PDE10A: variants seen among roughly 807,000 people sequenced by gnomAD.
PDE10A encodes cAMP and cAMP-inhibited cGMP 3',5'-cyclic phosphodiesterase 10A.
Under a neutral mutation model 97.7 loss-of-function variants are expected in PDE10A, and 39 were observed. The observed-to-expected ratio is 0.40, with a 90% CI of 0.31 to 0.52. The LOEUF is 0.52. PDE10A is among the 20% of genes least tolerant of loss of function. The pLI, the probability that PDE10A is intolerant of heterozygous loss-of-function variation, is 0.56. For missense variants in PDE10A, 731 were observed against 1,047.8 expected (o/e 0.70, Z 4.17); for synonymous variants, 371 against 376.8 (o/e 0.98, Z 0.18).
At chr6:165,720,921 C>A (rs751007021) in intron 1 of PDE10A, among the ~76,000 whole-genome samples, 1 of 152,156 alleles carries the variant, frequency 6.6e-6, no homozygotes, top group Admixed American at 6.5e-5. Flanking sequence ...GTCCATTGAT[C>A]GTGCCCAAGA....
intron 2 of PDE10A, among the ~76,000 whole-genome samples, chr6:165,521,632 C>A (rs577800025): frequency 1.3e-5 from 2 of 152,262 alleles, no homozygotes; most frequent in South Asian, 4.1e-4. Flanking sequence ...TGGTCCCTCA[C>A]GTCAAAGCCT....
At chr6:165,424,990 G>C (rs1789011412) in intron 10 of PDE10A, among the ~76,000 whole-genome samples, 1 of 151,424 alleles carries the variant, frequency 6.6e-6, no homozygotes, top group Admixed American at 6.6e-5. Flanking sequence ...CACACATCAA[G>C]GAAAATAAAT....
chr6:165,901,688 G>A (rs910264911), intron 1 of PDE10A, among the ~76,000 whole-genome samples: 3 of 152,130 alleles, frequency 2.0e-5, no homozygotes, highest in Non-Finnish European at 4.4e-5. Flanking sequence ...TGTAATCCCA[G>A]CTACTCGGGA....
intron 1 of PDE10A, among the ~76,000 whole-genome samples, chr6:165,872,032 T>C (rs1490422722): frequency 6.6e-6 from 1 of 152,146 alleles, no homozygotes; most frequent in Non-Finnish European, 1.5e-5. Context: ...CGTTGCCTTG[T>C]TCTCATCAGG....
At chr6:165,729,284 CA>C (rs572085965) in intron 1 of PDE10A, among the ~76,000 whole-genome samples, 52 of 152,118 alleles carry the variant, frequency 3.4e-4, no homozygotes, top group African/African-American at 1.2e-3. Flanking sequence ...GAAAAATCCC[CA>C]AAATATGGTA....
chr6:165,588,545 C>T (rs1293042886), intron 1 of PDE10A, among the ~76,000 whole-genome samples: 1 of 152,018 alleles, frequency 6.6e-6, no homozygotes, highest in East Asian at 1.9e-4. Flanking sequence ...CCTGCCTTGG[C>T]CTAACAAAGT....
chr6:165,560,260 G>A (rs536865965), intron 1 of PDE10A, among the ~76,000 whole-genome samples: 27 of 152,276 alleles, frequency 1.8e-4, no homozygotes, highest in Non-Finnish European at 3.5e-4. Flanking sequence ...AAGATGGAGA[G>A]CCATATGCTA....
At chr6:165,479,773 AT>A (rs928064848) in intron 3 of PDE10A, among the ~76,000 whole-genome samples, 5 of 152,304 alleles carry the variant, frequency 3.3e-5, no homozygotes, top group African/African-American at 9.6e-5. Context: ...TGCTAAAAAA[AT>A]ATTGGTCATT....
intron 1 of PDE10A, among the ~76,000 whole-genome samples, chr6:165,705,386 C>T (rs777020993): frequency 6.6e-6 from 1 of 152,194 alleles, no homozygotes; most frequent in Admixed American, 6.5e-5. Flanking sequence ...TGAGACAGTA[C>T]CCAAAGGACG....
At chr6:165,752,012 G>A (rs926804128) in intron 1 of PDE10A, among the ~76,000 whole-genome samples, 15 of 151,514 alleles carry the variant, frequency 9.9e-5, no homozygotes, top group Admixed American at 7.2e-4. Flanking sequence ...GCATGGTGAC[G>A]GGCACCTATA....
chr6:165,460,652 A>T (rs1467328200), intron 3 of PDE10A, among the ~76,000 whole-genome samples: 1 of 152,210 alleles, frequency 6.6e-6, no homozygotes, highest in Non-Finnish European at 1.5e-5. Flanking sequence ...AGCCCCTGAA[A>T]TATATAAAAG....
At chr6:165,454,483 G>A (rs777545788) in intron 3 of PDE10A, among the ~76,000 whole-genome samples, 1 of 152,164 alleles carries the variant, frequency 6.6e-6, no homozygotes, top group Non-Finnish European at 1.5e-5. Context: ...AGGTCATGAT[G>A]GCCCCGTCTT....
intron 1 of PDE10A, among the ~76,000 whole-genome samples, chr6:165,688,502 C>T (rs1791185246): frequency 6.6e-6 from 1 of 152,168 alleles, no homozygotes; most frequent in Non-Finnish European, 1.5e-5. Context: ...TAGGAAATTC[C>T]AGCTAGGAGC....
chr6:165,620,000 G>T (rs1788048282), intron 1 of PDE10A, among the ~76,000 whole-genome samples: 1 of 152,086 alleles, frequency 6.6e-6, no homozygotes, highest in South Asian at 2.1e-4. Context: ...AAACTTAAAA[G>T]TCTCAACCTA....
rs71029572 is a variant in PDE10A at position 165,927,647 on chromosome 6, C to CATATATATATATATATAT, written c.-615+59864_-615+59881dup. The stretch of plus-strand genomic sequence containing the variant: ...ATGAATATTATTAACATGAGAATGA[C>CATATATATATATATATAT]ATATATATATATATATATATATATA... On this transcript the variant is annotated intron_variant, in intron 1 of 19. Transcript: ENST00000366882. Among the ~76,000 whole-genome samples, 488 of 72,986 alleles carry CATATATATATATATATAT rather than the reference C, an allele frequency of 6.7e-3. 12 individuals carry two copies. The highest frequency in any genetic ancestry group is 8.3e-3 in the African/African-American group (142 of 17,048). The allele number at this position is 72,986 out of a possible 152,430, so 47.9% of individuals were successfully genotyped here.
At chr6:165,955,539 C>T (rs1363438861) in intron 1 of PDE10A, among the ~76,000 whole-genome samples, 1 of 152,166 alleles carries the variant, frequency 6.6e-6, no homozygotes, top group East Asian at 1.9e-4. Context: ...TCTGCTGTTC[C>T]CATTACCCGT....
intron 1 of PDE10A, among the ~76,000 whole-genome samples, chr6:165,827,315 GGGGCACCC>G (rs1425158508): frequency 6.6e-6 from 1 of 152,216 alleles, no homozygotes; most frequent in Non-Finnish European, 1.5e-5. Context: ...ACGCGGGGCG[GGGGCACCC>G]GGTGTCCAGC....
chr6:165,549,603 C>T (rs75865646), intron 1 of PDE10A, among the ~76,000 whole-genome samples: 3 of 152,232 alleles, frequency 2.0e-5, no homozygotes, highest in East Asian at 1.9e-4. Context: ...GGATCACAGA[C>T]GTGAGCCACC....
At chr6:165,691,107 C>CTCTCTCTCTCT (rs1554305960) in intron 1 of PDE10A, among the ~76,000 whole-genome samples, 6 of 13,426 alleles carry the variant, frequency 4.5e-4, no homozygotes, top group East Asian at 1.3e-3. Context: ...CTTTCTCTCT[C>CTCTCTCTCTCT]CCCCCCCCCA....
Sources: gnomAD v4.1 joint callset for allele counts (sites outside exome capture counted in the v4.1 genomes callset) on GRCh38, gnomAD v4.1.1 for gene constraint, MANE v1.5 for transcripts, NCBI Gene and HGNC (gene_info 2026-07-23, HGNC 2026-07-21) for gene names.